Variants in ELAC1 observed in about 807,000 individuals in gnomAD.
ELAC1 encodes the protein elaC ribonuclease Z 1.
In ELAC1, 19 loss-of-function variants were observed where a neutral mutation model predicts 25.8. That is an observed-to-expected ratio of 0.74 (90% CI 0.51 to 1.08). The LOEUF is 1.08. Among genes scored for constraint, ELAC1 ranks in the 50% least tolerant of loss-of-function variants. The pLI is 0.00. For synonymous variants in ELAC1, 148 were observed against 160.9 expected (o/e 0.92, Z 0.61); for missense variants, 403 against 434.6 (o/e 0.93, Z 0.65).
intron 2 of ELAC1, among the ~76,000 whole-genome samples, chr18:50,983,301 A>G (rs1908010179): frequency 6.6e-6 from 1 of 151,298 alleles, no homozygotes; most frequent in Admixed American, 6.6e-5. Context: ...AGCTGGGATT[A>G]CAGGCATGCG....
At chr18:50,983,052 A>AATT (rs1907996359) in intron 2 of ELAC1, among the ~76,000 whole-genome samples, 1 of 150,846 alleles carries the variant, frequency 6.6e-6, no homozygotes, top group Non-Finnish European at 1.5e-5. Context: ...TCTCAGAGGG[A>AATT]GCAGTAGGGG....
intron 2 of ELAC1, among the ~76,000 whole-genome samples, chr18:50,980,394 TAAAAG>T (rs538932132): frequency 4.4e-4 from 67 of 150,844 alleles, no homozygotes; most frequent in African/African-American, 1.5e-3. Context: ...CAAAACAAAA[TAAAAG>T]AAAACAAAAA....
At chr18:50,977,842 C>T (rs1489116350) in intron 2 of ELAC1, among the ~76,000 whole-genome samples, 3 of 152,284 alleles carry the variant, frequency 2.0e-5, no homozygotes, top group Non-Finnish European at 2.9e-5. Flanking sequence ...AAAGTGAATG[C>T]TTTTAAGAGC....
At position 50,987,930 on chromosome 18, in the gene ELAC1, T is replaced by C. The variant is rs551194848; in HGVS notation, c.*845T>C. 16 of 152,280 alleles carry C rather than the reference T, an allele frequency of 1.1e-4. No homozygotes were observed. Among genetic ancestry groups the C allele is most frequent in the Admixed American group, 5.2e-4 (8 of 15,300 alleles). 9.4% of individuals were successfully genotyped at this position (152,280 alleles called of 1,614,324 possible). A position where few individuals can be genotyped will look rare whatever the true frequency, so the allele number is the denominator to read the frequency against. ...ATATAGTTTACCAAAATTAGTGACA[T>C]AATGAGTGGAATTACTAGGTAAGTC... On this transcript the variant is annotated 3_prime_UTR_variant, in exon 4 of 4. Coordinates refer to ENST00000269466, the MANE Select transcript of ELAC1 (RefSeq NM_018696.3).
intron 2 of ELAC1, among the ~76,000 whole-genome samples, chr18:50,981,674 A>G (rs1907951734): frequency 6.6e-6 from 1 of 152,078 alleles, no homozygotes; most frequent in Non-Finnish European, 1.5e-5. Flanking sequence ...TGAAACTGTG[A>G]TAACTGTAGG....
chr18:50,974,626 C>T lies in ELAC1; in HGVS notation c.157+65C>T. On this transcript the variant is annotated intron_variant, in intron 2 of 3. Coordinates refer to ENST00000269466, the MANE Select transcript of ELAC1 (RefSeq NM_018696.3). ...TGTTCTGCTTCATTTTCTTGGCTCT[C>T]CTTGGACATTTTGTTTAGAAACAGC... 5 of 1,505,878 alleles carry T rather than the reference C, an allele frequency of 3.3e-6. No homozygotes were observed. The South Asian group carries it at 5.7e-5, about 17-fold the overall frequency. 93.3% of individuals were successfully genotyped at this position (1,505,878 alleles called of 1,614,324 possible).
At chr18:50,978,642 C>T (rs747165896) in intron 2 of ELAC1, among the ~76,000 whole-genome samples, 1 of 152,004 alleles carries the variant, frequency 6.6e-6, no homozygotes, top group Non-Finnish European at 1.5e-5. Context: ...CATATCATCA[C>T]TGTGTATATG....
intron 2 of ELAC1, among the ~76,000 whole-genome samples, chr18:50,983,855 T>A (rs533921935): frequency 1.8e-4 from 26 of 145,062 alleles, no homozygotes; most frequent in African/African-American, 5.3e-4. Flanking sequence ...CCTGTCTCTT[T>A]AAAAAAAAAA....
intron 2 of ELAC1, among the ~76,000 whole-genome samples, chr18:50,983,173 T>TTTG (rs1237704244): frequency 1.1e-4 from 16 of 140,186 alleles, no homozygotes; most frequent in African/African-American, 3.9e-4. Flanking sequence ...TTTTTTTTTT[T>TTTG]TTTTTTTTGA....
intron 2 of ELAC1, among the ~76,000 whole-genome samples, chr18:50,980,733 A>G (rs1907922378): frequency 6.7e-6 from 1 of 149,654 alleles, no homozygotes; most frequent in Admixed American, 6.7e-5. Flanking sequence ...ACTGCACTCT[A>G]GCCTGGGTAA....
At chr18:50,983,985 A>C in intron 2 of ELAC1, 111 bp from the exon 3 acceptor site, 1 of 631,252 alleles carries the variant, frequency 1.6e-6, no homozygotes, top group South Asian at 3.3e-5. Context: ...AGAACTTTTA[A>C]ATTCAATTTA....
At chr18:50,984,824 T>G (rs1908056901) in intron 3 of ELAC1, 1 of 526,008 alleles carries the variant, frequency 1.9e-6, no homozygotes, top group Admixed American at 3.6e-5. Flanking sequence ...CCCAGCTACT[T>G]GGGGGGCTGA....
chr18:50,977,373 C>A (rs372764424), intron 2 of ELAC1, among the ~76,000 whole-genome samples: 3 of 152,362 alleles, frequency 2.0e-5, no homozygotes, highest in African/African-American at 7.2e-5. Context: ...GGTTCCCAAA[C>A]CTCAATTCTT....
rs760367818 is a variant in ELAC1, at chr18:50,987,927, A to G, written c.*842A>G. ...TGAATATAGTTTACCAAAATTAGTG[A>G]CATAATGAGTGGAATTACTAGGTAA... On this transcript the variant is annotated 3_prime_UTR_variant, in exon 4 of 4. Transcript: ENST00000269466. 6.6e-6 allele frequency: 1 copy of G among 152,240 alleles called. No individual in the cohort carries two copies. Among genetic ancestry groups the G allele is most frequent in the Non-Finnish European group, 1.5e-5 (1 of 68,046 alleles). The allele number at this position is 152,240 out of a possible 1,614,324, so 9.4% of individuals were successfully genotyped here.
chr18:50,981,328 G>C (rs571147179), intron 2 of ELAC1, among the ~76,000 whole-genome samples: 1 of 152,144 alleles, frequency 6.6e-6, no homozygotes, highest in African/African-American at 2.4e-5. Flanking sequence ...TGATAGTATG[G>C]GAGTGTGTGT....
chr18:50,988,051 A>T lies in ELAC1; in HGVS notation c.*966A>T, dbSNP rs1327930471. On this transcript the variant is annotated 3_prime_UTR_variant, in exon 4 of 4. Coordinates refer to ENST00000269466, the MANE Select transcript of ELAC1 (RefSeq NM_018696.3). ...AAGTGAAGCTTATGAACCTGGAGGT[A>T]AAAAATGCTTATCTGTTAAACTGAG... 1 of 152,228 alleles carries T rather than the reference A, an allele frequency of 6.6e-6. No homozygotes were observed. The highest frequency in any genetic ancestry group is 2.4e-5 in the African/African-American group (1 of 41,460). The allele number at this position is 152,228 out of a possible 1,614,324, so 9.4% of individuals were successfully genotyped here. A position where few individuals can be genotyped will look rare whatever the true frequency, so the allele number is the denominator to read the frequency against.
chr18:50,969,679 C>T (rs973642197), intron 1 of ELAC1: 6 of 152,330 alleles, frequency 3.9e-5, no homozygotes, highest in Middle Eastern at 3.4e-3. Flanking sequence ...GTACTCCCAT[C>T]AGACAGCACA....
At chr18:50,971,989 G>A (rs905728572) in intron 1 of ELAC1, among the ~76,000 whole-genome samples, 5 of 140,796 alleles carry the variant, frequency 3.6e-5, no homozygotes, top group African/African-American at 1.3e-4. Flanking sequence ...TATTTTGAAT[G>A]CATTTGCATA....
chr18:50,984,407 C>G lies in ELAC1; in HGVS notation c.469C>G (p.Leu157Val). The change falls in exon 3 of 4, where the codon CTG becomes GTG. Residue 157 changes from leucine (L) to valine (V), a missense_variant. Coordinates refer to ENST00000269466, the MANE Select transcript of ELAC1 (RefSeq NM_018696.3). Reference protein sequence around the residue: ...PPKEEQGRTILLDSEENSYLL... With the variant: ...PPKEEQGRTIVLDSEENSYLL... ...CAAAGAGGAACAAGGAAGAACTATC[C>G]TGTTAGACTCAGAAGAAAACTCATA... The G allele has an allele frequency of 6.2e-7, 1 of 1,614,140 alleles. No individual in the cohort carries two copies. Among genetic ancestry groups the G allele is most frequent in the East Asian group, 2.2e-5 (1 of 44,880 alleles).
Sources: allele counts gnomAD v4.1 joint callset (sites outside exome capture counted in the v4.1 genomes callset), GRCh38; gene constraint gnomAD v4.1.1; transcripts MANE v1.5; gene names NCBI Gene and HGNC (gene_info 2026-07-23, HGNC 2026-07-21).